MACROD2: variants seen among roughly 807,000 people sequenced by gnomAD.
The protein encoded by MACROD2 is mono-ADP ribosylhydrolase 2.
In MACROD2, 36 loss-of-function variants were observed where a neutral mutation model predicts 70.4. The ratio of observed to expected loss-of-function variants is 0.51; its 90% CI spans 0.39 to 0.68. The LOEUF (loss-of-function observed/expected upper bound fraction) is 0.68, where lower values mean the gene tolerates loss of function less well. MACROD2 is among the 30% of genes least tolerant of loss of function. The pLI is 0.00. For synonymous variants in MACROD2, 172 were observed against 178.8 expected (o/e 0.96, Z 0.30); for missense variants, 496 against 538.4 (o/e 0.92, Z 0.78).
intron 3 of MACROD2, among the ~76,000 whole-genome samples, chr20:14,134,649 A>G (rs966903080): frequency 6.6e-6 from 1 of 152,092 alleles, no homozygotes; most frequent in Non-Finnish European, 1.5e-5. Context: ...TACTAAAAAT[A>G]CAAAAATTAG....
chr20:14,486,696 T>A (rs1185593030), intron 3 of MACROD2, among the ~76,000 whole-genome samples: 1 of 151,814 alleles, frequency 6.6e-6, no homozygotes, highest in Non-Finnish European at 1.5e-5. Context: ...TTTTTGTATT[T>A]TTAGTAGAGA....
intron 5 of MACROD2, chr20:14,849,846 A>C (rs942341669): frequency 3.2e-5 from 13 of 411,620 alleles, no homozygotes; most frequent in Non-Finnish European, 5.2e-5. Context: ...GTAGCAGATA[A>C]ATGTCCCAAT....
At chr20:15,944,569 A>G (rs945533532) in intron 12 of MACROD2, among the ~76,000 whole-genome samples, 5 of 152,114 alleles carry the variant, frequency 3.3e-5, no homozygotes, top group Non-Finnish European at 7.4e-5. Context: ...TCCAGTCTCA[A>G]TTTTGAATTG....
chr20:14,970,217 T>C (rs1456812486), intron 5 of MACROD2, among the ~76,000 whole-genome samples: 1 of 152,082 alleles, frequency 6.6e-6, no homozygotes, highest in African/African-American at 2.4e-5. Context: ...CATGATTCAA[T>C]TGCCTTCTAC....
chr20:14,187,495 T>A (rs1047133203), intron 3 of MACROD2, among the ~76,000 whole-genome samples: 3 of 152,190 alleles, frequency 2.0e-5, no homozygotes, highest in African/African-American at 7.2e-5. Context: ...GTCTTCTAGG[T>A]GTTAAATGTG....
intron 2 of MACROD2, among the ~76,000 whole-genome samples, chr20:14,022,440 C>G (rs941206456): frequency 2.3e-5 from 3 of 133,314 alleles, no homozygotes; most frequent in African/African-American, 8.5e-5. Context: ...GAGCCCAATT[C>G]TTTTTTTTTT....
rs533302545 is a variant in MACROD2 at position 14,055,047 on chromosome 20, T to C, written c.164-30574T>C. On this transcript the variant is annotated intron_variant, in intron 2 of 17. Transcript: ENST00000684519. ...TATGATTATTTTCAAACTGAGAAGC[T>C]GCTGTACCAAAGCTAGTTTATAAAA... Among the ~76,000 whole-genome samples, 254 of 152,296 alleles carry C rather than the reference T, an allele frequency of 1.7e-3. 1 individual carries two copies. Among genetic ancestry groups the C allele is most frequent in the African/African-American group, 6.1e-3 (252 of 41,570 alleles).
At chr20:14,656,148 G>T (rs1198081977) in intron 4 of MACROD2, among the ~76,000 whole-genome samples, 1 of 152,148 alleles carries the variant, frequency 6.6e-6, no homozygotes, top group East Asian at 1.9e-4. Context: ...TTTCTACCAG[G>T]TGTCTTGTGG....
At chr20:15,741,252 C>T (rs562482264) in intron 8 of MACROD2, among the ~76,000 whole-genome samples, 6 of 145,906 alleles carry the variant, frequency 4.1e-5, no homozygotes, top group East Asian at 2.0e-4. Context: ...CCACCACACC[C>T]GGCTAATTTT....
chr20:15,287,959 G>A (rs1473886170), intron 6 of MACROD2, among the ~76,000 whole-genome samples: 1 of 152,132 alleles, frequency 6.6e-6, no homozygotes, highest in Non-Finnish European at 1.5e-5. Context: ...GGAACACTCT[G>A]CCTTGTTAAT....
At chr20:14,769,410 C>T (rs916135701) in intron 5 of MACROD2, among the ~76,000 whole-genome samples, 3 of 152,064 alleles carry the variant, frequency 2.0e-5, no homozygotes, top group African/African-American at 7.3e-5. Flanking sequence ...TATTTTAACA[C>T]CTACTTGAAA....
intron 8 of MACROD2, among the ~76,000 whole-genome samples, chr20:15,689,299 C>T (rs374963692): frequency 2.0e-5 from 3 of 149,442 alleles, no homozygotes; most frequent in Admixed American, 6.7e-5. Context: ...ATTGAGATTC[C>T]GTCTCAAAAA....
At position 15,007,379 on chromosome 20, in the gene MACROD2, C is replaced by CA. The variant is rs398040702; in HGVS notation, c.419-222551dup. Among the ~76,000 whole-genome samples the CA allele has an allele frequency of 2.1e-3, 289 of 137,932 alleles. 1 individual carries two copies. Among genetic ancestry groups the CA allele is most frequent in the East Asian group, 5.7e-3 (28 of 4,928 alleles). 90.5% of individuals were successfully genotyped at this position (137,932 alleles called of 152,430 possible). A position where few individuals can be genotyped will look rare whatever the true frequency, so the allele number is the denominator to read the frequency against. ...ACTCCATCTCAAAAACAAAAACAAACAAAAAAAAAACACAAAAAAGCCCAG... is the reference window on the plus strand; with the variant it reads ...ACTCCATCTCAAAAACAAAAACAAACAAAAAAAAAAACACAAAAAAGCCCAG... On this transcript the variant is annotated intron_variant, in intron 5 of 17. Transcript: ENST00000684519.
chr20:14,718,318 A>G (rs954193080), intron 5 of MACROD2, among the ~76,000 whole-genome samples: 3 of 138,202 alleles, frequency 2.2e-5, no homozygotes, highest in Non-Finnish European at 3.2e-5. Context: ...AAAAAAAAAA[A>G]GAAGAGATAT....
At chr20:14,522,255 A>T (rs1235556156) in intron 4 of MACROD2, among the ~76,000 whole-genome samples, 1 of 108,322 alleles carries the variant, frequency 9.2e-6, no homozygotes, top group African/African-American at 2.9e-5. Context: ...GGTCCTCAAC[A>T]TTAGCAGGTT....
intron 5 of MACROD2, among the ~76,000 whole-genome samples, chr20:15,148,509 G>A (rs373650419): frequency 1.3e-5 from 2 of 152,146 alleles, no homozygotes; most frequent in Non-Finnish European, 2.9e-5. Context: ...CAGCTGTGAT[G>A]GCTTGGAAAA....
intron 8 of MACROD2, among the ~76,000 whole-genome samples, chr20:15,709,683 ATATAT>A (rs570921088): frequency 9.9e-5 from 15 of 152,194 alleles, no homozygotes; most frequent in African/African-American, 3.4e-4. Flanking sequence ...AAAAAACAAA[ATATAT>A]TATAATATTT....
chr20:14,102,764 A>G (rs900747004), intron 3 of MACROD2, among the ~76,000 whole-genome samples: 4 of 152,160 alleles, frequency 2.6e-5, no homozygotes, highest in African/African-American at 9.6e-5. Flanking sequence ...GGATTGGGAT[A>G]TAGGATATAT....
intron 5 of MACROD2, among the ~76,000 whole-genome samples, chr20:15,009,568 G>A (rs2075065657): frequency 6.6e-6 from 1 of 152,048 alleles, no homozygotes. Flanking sequence ...TAAAGAGCAT[G>A]TTTTGTTTAT....
Sources: gnomAD v4.1 joint callset for allele counts (sites outside exome capture counted in the v4.1 genomes callset) on GRCh38, gnomAD v4.1.1 for gene constraint, MANE v1.5 for transcripts, NCBI Gene and HGNC (gene_info 2026-07-23, HGNC 2026-07-21) for gene names.